Variants in PRKN observed in about 807,000 individuals in gnomAD.
The protein encoded by PRKN is E3 ubiquitin-protein ligase parkin.
In PRKN, 56 loss-of-function variants were observed where a neutral mutation model predicts 59.5. The observed-to-expected ratio is 0.94, with a 90% CI of 0.76 to 1.18. PRKN has a LOEUF of 1.18. Among genes scored for constraint, PRKN ranks in the 50% most tolerant of loss-of-function variants. The pLI is 0.00. For synonymous variants in PRKN, 250 were observed against 222.1 expected (o/e 1.13, Z -1.12); for missense variants, 657 against 596.4 (o/e 1.10, Z -1.06).
chr6:161,653,671 G>A (rs759014001), intron 7 of PRKN, among the ~76,000 whole-genome samples: 1 of 152,200 alleles, frequency 6.6e-6, no homozygotes, highest in Non-Finnish European at 1.5e-5. Flanking sequence ...GAATAGAGAA[G>A]TACATCGTAT....
chr6:161,522,948 G>A (rs755307568), intron 9 of PRKN, among the ~76,000 whole-genome samples: 3 of 152,060 alleles, frequency 2.0e-5, no homozygotes, highest in African/African-American at 7.2e-5. Context: ...GTAACTTCAC[G>A]TTTGCATGTT....
intron 6 of PRKN, among the ~76,000 whole-genome samples, chr6:161,914,251 G>C (rs951994816): frequency 1.3e-5 from 2 of 152,110 alleles, no homozygotes; most frequent in African/African-American, 4.8e-5. Context: ...TGATCTCTGA[G>C]GATGTCTAGA....
intron 6 of PRKN, among the ~76,000 whole-genome samples, chr6:161,791,969 T>C (rs1027469445): frequency 8.5e-5 from 13 of 152,182 alleles, no homozygotes; most frequent in African/African-American, 3.1e-4. Context: ...TCACTTGCTC[T>C]GAGGAAAGCG....
intron 7 of PRKN, among the ~76,000 whole-genome samples, chr6:161,686,075 CAAAAA>C (rs34114820): frequency 3.9e-5 from 5 of 128,692 alleles, no homozygotes; most frequent in Non-Finnish European, 5.0e-5. Flanking sequence ...TAGAAAACAG[CAAAAA>C]AAAAAAAAAA....
Position 161,423,455 on chromosome 6 carries a change from G to C in PRKN, c.1084-36578C>G, listed in dbSNP as rs1203287389. Reference sequence around the variant, plus strand: ...GGGGGAACCTTCTGCACGTATTCATGCATGAAGAACACACATTTGAACAGG... The same window carrying C: ...GGGGGAACCTTCTGCACGTATTCATCCATGAAGAACACACATTTGAACAGG... On this transcript the variant is annotated intron_variant, in intron 9 of 11. Transcript: ENST00000366898. This position sits in a 1 kb window ranked among gnomAD's most constrained non-coding sequence, Gnocchi z 5.9. 1.3e-5 allele frequency among the ~76,000 whole-genome samples: 2 copies of C among 152,188 alleles called. No individual in the cohort carries two copies. The highest frequency in any genetic ancestry group is 4.8e-5 in the African/African-American group (2 of 41,440).
chr6:162,440,997 C>T (rs1297734035), intron 2 of PRKN, among the ~76,000 whole-genome samples: 1 of 152,002 alleles, frequency 6.6e-6, no homozygotes, highest in Non-Finnish European at 1.5e-5. Flanking sequence ...TGAAACTCTT[C>T]TATGAACAAA....
intron 4 of PRKN, among the ~76,000 whole-genome samples, chr6:162,109,591 G>C (rs1177627056): frequency 6.6e-6 from 1 of 152,128 alleles, no homozygotes; most frequent in South Asian, 2.1e-4. Flanking sequence ...CAGAAATAGG[G>C]TGTTTGTTTA....
chr6:162,077,112 C>G (rs1251188978), intron 4 of PRKN, among the ~76,000 whole-genome samples: 1 of 152,110 alleles, frequency 6.6e-6, no homozygotes, highest in African/African-American at 2.4e-5. Context: ...AGGAACGTGG[C>G]AGACATGGAG....
intron 1 of PRKN, among the ~76,000 whole-genome samples, chr6:162,504,111 G>A (rs1341436418): frequency 1.3e-5 from 2 of 152,088 alleles, no homozygotes; most frequent in Admixed American, 1.3e-4. Context: ...AGGAAGGCAG[G>A]CTGACGGGAA....
rs772475537 is a variant in PRKN, at chr6:161,393,598, T to C, written c.1084-6721A>G. On this transcript the variant is annotated intron_variant, in intron 9 of 11. Coordinates refer to ENST00000366898, the MANE Select transcript of PRKN (RefSeq NM_004562.3). The surrounding 1 kb of genome is among the most constrained non-coding windows in gnomAD (Gnocchi z 4.7). The stretch of plus-strand genomic sequence containing the variant: ...ATGAACACATTCAAAAGGGGCTGTA[T>C]GTGTACTTTCTCTGTGGAAGCATGA... 6.6e-6 allele frequency among the ~76,000 whole-genome samples: 1 copy of C among 152,116 alleles called. No homozygotes were observed. Among genetic ancestry groups the C allele is most frequent in the Non-Finnish European group, 1.5e-5 (1 of 68,024 alleles).
At chr6:161,728,314 A>T (rs961793034) in intron 7 of PRKN, among the ~76,000 whole-genome samples, 2 of 152,114 alleles carry the variant, frequency 1.3e-5, no homozygotes, top group African/African-American at 4.8e-5. Flanking sequence ...AAATGAAACC[A>T]ATAATAGTGT....
At chr6:162,634,003 C>T (rs1393376770) in intron 1 of PRKN, among the ~76,000 whole-genome samples, 1 of 152,172 alleles carries the variant, frequency 6.6e-6, no homozygotes, top group Non-Finnish European at 1.5e-5. Context: ...AAATATACCA[C>T]ACGGTCTTGT....
chr6:162,159,618 T>A (rs1473975409), intron 4 of PRKN, among the ~76,000 whole-genome samples: 6 of 152,124 alleles, frequency 3.9e-5, no homozygotes, highest in African/African-American at 1.4e-4. Flanking sequence ...CTAAATTTCA[T>A]AAGGGAATAA....
intron 7 of PRKN, among the ~76,000 whole-genome samples, chr6:161,570,140 AAAAAAAAT>A (rs1160744283): frequency 2.2e-5 from 3 of 133,402 alleles, no homozygotes; most frequent in African/African-American, 6.0e-5. Flanking sequence ...AAAAAAAAAA[AAAAAAAAT>A]ATATATATAT....
chr6:161,934,845 T>C (rs548890213), intron 6 of PRKN, among the ~76,000 whole-genome samples: 1 of 152,136 alleles, frequency 6.6e-6, no homozygotes, highest in African/African-American at 2.4e-5. Flanking sequence ...AGATAAAAAA[T>C]AGAAGTTTCA....
chr6:162,631,073 A>G (rs1783092799), intron 1 of PRKN, among the ~76,000 whole-genome samples: 1 of 152,104 alleles, frequency 6.6e-6, no homozygotes, highest in South Asian at 2.1e-4. Context: ...ACAGGTCATA[A>G]GACCTCACAA....
intron 1 of PRKN, among the ~76,000 whole-genome samples, chr6:162,552,734 T>C (rs1779380153): frequency 6.6e-6 from 1 of 151,952 alleles, no homozygotes; most frequent in African/African-American, 2.4e-5. Context: ...CATTAGCATA[T>C]AGATGGTTTC....
In PRKN at chr6:161,395,559, A is replaced by T. The variant is rs1049085611; in HGVS notation, c.1084-8682T>A. 6.6e-6 allele frequency among the ~76,000 whole-genome samples: 1 copy of T among 152,206 alleles called. No individual in the cohort carries two copies. Among genetic ancestry groups the T allele is most frequent in the Non-Finnish European group, 1.5e-5 (1 of 68,036 alleles). On this transcript the variant is annotated intron_variant, in intron 9 of 11. Transcript: ENST00000366898. The surrounding 1 kb of genome is among the most constrained non-coding windows in gnomAD (Gnocchi z 5.0). ...TTTGATTGCTTTCGCGAGCCTTGTC[A>T]GTCACAGGCTTAGCAGCAAGGTGGG...
chr6:162,250,882 G>T (rs1447657417), intron 3 of PRKN, among the ~76,000 whole-genome samples: 1 of 146,456 alleles, frequency 6.8e-6, no homozygotes, highest in African/African-American at 2.6e-5. Flanking sequence ...TTATTTCCAG[G>T]AGTTTCTAAT....
Sources: gnomAD v4.1 joint callset for allele counts (sites outside exome capture counted in the v4.1 genomes callset) on GRCh38, gnomAD v4.1.1 for gene constraint, Gnocchi (gnomAD v3.1) non-coding constraint, MANE v1.5 for transcripts, NCBI Gene and HGNC (gene_info 2026-07-23, HGNC 2026-07-21) for gene names.